Variants in ACTR3C observed in about 807,000 individuals in gnomAD.
ACTR3C encodes the protein actin related protein 3C, also known as actin-related protein 3C.
A neutral mutation model predicts 26.3 loss-of-function variants in ACTR3C; 18 were observed. The ratio of observed to expected loss-of-function variants is 0.68; its 90% CI spans 0.47 to 1.01. ACTR3C has a LOEUF of 1.01. Among genes scored for constraint, ACTR3C ranks in the 50% least tolerant of loss-of-function variants. The pLI, the probability that ACTR3C is intolerant of heterozygous loss-of-function variation, is 0.00. For synonymous variants in ACTR3C, 55 were observed against 94.5 expected (o/e 0.58, Z 2.42); for missense variants, 184 against 250.7 (o/e 0.73, Z 1.80).
the ACTR3C span, among the ~76,000 whole-genome samples, chr7:150,197,845 TCCCTCTCCCCTCTCCCCTCTC>T: frequency 2.5e-4 from 37 of 148,686 alleles, no homozygotes. Flanking sequence ...TTTAACATAG[TCCCTCTCCCCTCTCCCCTCTC>T]CCCTCTCCCC....
At chr7:149,938,476 C>G in the ACTR3C span, among the ~76,000 whole-genome samples, 2 of 151,710 alleles carry the variant, frequency 1.3e-5, no homozygotes, top group Non-Finnish European at 2.9e-5. Context: ...GACAAGAGAC[C>G]TTAGCAATTA....
At chr7:150,071,845 T>C in the ACTR3C span, among the ~76,000 whole-genome samples, 1 of 150,256 alleles carries the variant, frequency 6.7e-6, no homozygotes, top group Non-Finnish European at 1.5e-5. Context: ...GCATCAGGAA[T>C]TGGATGCAGA....
At chr7:150,276,171 A>T (rs995464193) in intron 6 of ACTR3C, among the ~76,000 whole-genome samples, 10 of 152,190 alleles carry the variant, frequency 6.6e-5, no homozygotes, top group Admixed American at 6.5e-5. Context: ...ATTGGAAATA[A>T]AATCTATATT....
chr7:149,917,043 T>A, the ACTR3C span, among the ~76,000 whole-genome samples: 2 of 151,788 alleles, frequency 1.3e-5, no homozygotes, highest in South Asian at 2.1e-4. Context: ...TGCTTCTCTC[T>A]GTACATACAA....
At chr7:150,197,096 G>A in the ACTR3C span, among the ~76,000 whole-genome samples, 4 of 152,116 alleles carry the variant, frequency 2.6e-5, no homozygotes, top group Admixed American at 6.5e-5. Flanking sequence ...TCATGGACAC[G>A]GGGCAGTAGA....
At chr7:149,945,408 G>A in the ACTR3C span, among the ~76,000 whole-genome samples, 10,837 of 152,022 alleles carry the variant, frequency 0.071, 1,312 homozygotes, top group African/African-American at 0.25. Flanking sequence ...AAGCATTGAT[G>A]GCGGGGCATT....
At chr7:150,185,718 T>C in the ACTR3C span, among the ~76,000 whole-genome samples, 1 of 151,642 alleles carries the variant, frequency 6.6e-6, no homozygotes, top group South Asian at 2.1e-4. Flanking sequence ...GCAGAAAAGC[T>C]TTCACAGGGA....
the ACTR3C span, among the ~76,000 whole-genome samples, chr7:149,923,229 A>G: frequency 6.6e-6 from 1 of 151,926 alleles, no homozygotes; most frequent in Non-Finnish European, 1.5e-5. Context: ...ATATGTAAAT[A>G]TTGCAAAACT....
chr7:149,899,965 C>CAA, the ACTR3C span, among the ~76,000 whole-genome samples: 229 of 137,872 alleles, frequency 1.7e-3, 1 homozygote, highest in Admixed American at 6.2e-3. Flanking sequence ...ACACACACAC[C>CAA]AAAAAAAAAG....
chr7:150,041,752 G>GC, the ACTR3C span, among the ~76,000 whole-genome samples: 14 of 56,242 alleles, frequency 2.5e-4, no homozygotes, highest in Non-Finnish European at 3.3e-5. Flanking sequence ...TAAGAGCCAG[G>GC]GGGGGGAAGA....
chr7:150,138,521 C>T, the ACTR3C span, among the ~76,000 whole-genome samples: 4 of 152,256 alleles, frequency 2.6e-5, no homozygotes, highest in Non-Finnish European at 4.4e-5. Flanking sequence ...TTTTGGAGAG[C>T]TAGTCATCCA....
At chr7:150,026,542 G>T in the ACTR3C span, among the ~76,000 whole-genome samples, 1 of 151,478 alleles carries the variant, frequency 6.6e-6, no homozygotes, top group South Asian at 2.1e-4. Flanking sequence ...CACTTATTGG[G>T]AATGGTTTGA....
the ACTR3C span, among the ~76,000 whole-genome samples, chr7:149,998,450 T>G: frequency 6.7e-6 from 1 of 149,408 alleles, no homozygotes; most frequent in African/African-American, 2.5e-5. Context: ...GAAAAGAGGT[T>G]TAATTGACTC....
At chr7:150,048,362 C>T in the ACTR3C span, among the ~76,000 whole-genome samples, 1 of 152,180 alleles carries the variant, frequency 6.6e-6, no homozygotes, top group East Asian at 1.9e-4. Context: ...CCTCCCCGCG[C>T]CCGGGACTGG....
the ACTR3C span, among the ~76,000 whole-genome samples, chr7:150,222,922 C>T: frequency 6.6e-6 from 1 of 152,172 alleles, no homozygotes; most frequent in Non-Finnish European, 1.5e-5. Context: ...TTTGGGGTTT[C>T]ACTATGTTTT....
the ACTR3C span, chr7:150,074,082 T>G: frequency 6.6e-6 from 1 of 152,252 alleles, no homozygotes; most frequent in African/African-American, 2.4e-5. Context: ...AGGACTGAGT[T>G]GGTACAGACC....
At chr7:150,048,192 A>G in the ACTR3C span, among the ~76,000 whole-genome samples, 3 of 152,056 alleles carry the variant, frequency 2.0e-5, no homozygotes, top group African/African-American at 7.2e-5. Context: ...AGGAAGAAAA[A>G]AAACCAAAAA....
chr7:150,078,058 G>T, the ACTR3C span, among the ~76,000 whole-genome samples: 1 of 152,118 alleles, frequency 6.6e-6, no homozygotes, highest in South Asian at 2.1e-4. Flanking sequence ...ATTTCAGGGG[G>T]GAGCATCCAT....
chr7:150,196,150 G>A, the ACTR3C span, among the ~76,000 whole-genome samples: 1 of 151,908 alleles, frequency 6.6e-6, no homozygotes, highest in African/African-American at 2.4e-5. Context: ...AATTAATTTT[G>A]GACCAATTAA....
Sources: gnomAD v4.1 joint callset for allele counts (sites outside exome capture counted in the v4.1 genomes callset) on GRCh38, gnomAD v4.1.1 for gene constraint, MANE v1.5 for transcripts, NCBI Gene and HGNC (gene_info 2026-07-23, HGNC 2026-07-21) for gene names.